PLEKHM1: variants seen among roughly 807,000 people sequenced by gnomAD.
PLEKHM1 encodes the protein pleckstrin homology domain-containing family M member 1.
Under a neutral mutation model 94.3 loss-of-function variants are expected in PLEKHM1, and 28 were observed. That is an observed-to-expected ratio of 0.30 (90% CI 0.22 to 0.41). PLEKHM1 has a LOEUF of 0.41. Ranked by LOEUF, PLEKHM1 falls within the 10% of genes least tolerant of loss-of-function variation. The probability of loss-of-function intolerance (pLI) is 1.00; values close to 1 mark genes in which losing one functional copy is unlikely to be tolerated. For synonymous variants in PLEKHM1, 424 were observed against 581.2 expected, an observed-to-expected ratio of 0.73 and a Z score of 3.89; for missense variants, 907 against 1,358.6, an observed-to-expected ratio of 0.67 and a Z score of 5.22.
At chr17:45,484,129 T>C (rs1400699200) in intron 1 of PLEKHM1, among the ~76,000 whole-genome samples, 1 of 152,230 alleles carries the variant, frequency 6.6e-6, no homozygotes, top group Non-Finnish European at 1.5e-5. Flanking sequence ...CCAACCTGAC[T>C]GGTCTAACAT....
intron 4 of PLEKHM1, among the ~76,000 whole-genome samples, chr17:45,474,061 T>A (rs1567797037): frequency 3.4e-5 from 5 of 146,680 alleles, no homozygotes; most frequent in African/African-American, 9.9e-5. Context: ...TTTATTTATT[T>A]ATTTTTTTTT....
chr17:45,470,071 C>CAA (rs1213768951), intron 4 of PLEKHM1, among the ~76,000 whole-genome samples: 26 of 140,578 alleles, frequency 1.8e-4, no homozygotes, highest in Non-Finnish European at 2.8e-4. Context: ...GACTCCATCT[C>CAA]AAAAAAAAAA....
rs557499144 is a variant in PLEKHM1, at chr17:45,454,175, C to T, written c.1677G>A (p.Pro559=). 71 of 1,613,758 alleles carry T rather than the reference C, an allele frequency of 4.4e-5. No homozygotes were observed. The Admixed American group carries it at 6.0e-4, about 14-fold the overall frequency. ...IWKELFCELS[P]LEFRLYLSNE... The stretch of plus-strand genomic sequence containing the variant: ...TGCTCAGGTAGAGGCGGAACTCCAG[C>T]GGGGAGAGCTCGCAGAAGAGCTCCT... Residue 559 remains proline, a synonymous_variant, in exon 7 of 12, where the codon CCG becomes CCA. Transcript: ENST00000430334.
In PLEKHM1 at chr17:45,444,351, G is replaced by A. The variant is rs35671597; in HGVS notation, c.2837+1119C>T. 4.8e-3 allele frequency among the ~76,000 whole-genome samples: 735 copies of A among 152,328 alleles called. 6 individuals are homozygous for A. Among genetic ancestry groups the A allele is most frequent in the African/African-American group, 0.017 (695 of 41,562 alleles). On this transcript the variant is annotated intron_variant, in intron 9 of 11. Coordinates refer to ENST00000430334, the MANE Select transcript of PLEKHM1 (RefSeq NM_014798.3). The surrounding 1 kb of genome is among the most constrained non-coding windows in gnomAD (Gnocchi z 5.0). ...GCCCTGGGAAGACTGCAGCCTGGGCGTGACCTGAGGACTAGGAAGCGTTTA... is the reference window on the plus strand; with the variant it reads ...GCCCTGGGAAGACTGCAGCCTGGGCATGACCTGAGGACTAGGAAGCGTTTA...
chr17:45,466,299 TAGAAGATAATATAGGC>T, intron 5 of PLEKHM1, among the ~76,000 whole-genome samples: 1 of 152,306 alleles, frequency 6.6e-6, no homozygotes, highest in Admixed American at 6.5e-5. Flanking sequence ...CTAAAGCTTC[TAGAAGATAATATAGGC>T]AAATACCTTC....
At chr17:45,443,381 C>T (rs1209110476) in intron 9 of PLEKHM1, among the ~76,000 whole-genome samples, 4 of 152,118 alleles carry the variant, frequency 2.6e-5, no homozygotes, top group East Asian at 1.9e-4. Context: ...AAGCTGGACC[C>T]GGAGAAGTGA....
chr17:45,463,461 C>A (rs560255668), intron 5 of PLEKHM1, among the ~76,000 whole-genome samples: 1 of 151,796 alleles, frequency 6.6e-6, no homozygotes, highest in Admixed American at 6.6e-5. Flanking sequence ...GGTGTGATCT[C>A]GGCTCACTGC....
At position 45,436,618 on chromosome 17, in the gene PLEKHM1, C is replaced by T. The variant is rs972112972; in HGVS notation, c.*1240G>A. ...AGAGACCAGCAAACCCACATTTCCC[C>T]GAAGCCTGGAGGGTCTGACCATCAC... On this transcript the variant is annotated 3_prime_UTR_variant, in exon 12 of 12. Coordinates refer to ENST00000430334, the MANE Select transcript of PLEKHM1 (RefSeq NM_014798.3). The T allele has an allele frequency of 3.3e-5, 15 of 453,868 alleles. No individual in the cohort carries two copies. Among genetic ancestry groups the T allele is most frequent in the Admixed American group, 1.4e-4 (6 of 42,560 alleles). 28.1% of individuals were successfully genotyped at this position (453,868 alleles called of 1,614,324 possible).
intron 6 of PLEKHM1, among the ~76,000 whole-genome samples, chr17:45,455,984 G>T (rs1391532348): frequency 6.6e-6 from 1 of 152,124 alleles, no homozygotes; most frequent in African/African-American, 2.4e-5. Context: ...TGCCACTCTG[G>T]TCTCCACTGT....
At position 45,437,857 on chromosome 17, in the gene PLEKHM1, A is replaced by G. The variant is rs764812155; in HGVS notation, c.*1T>C. The stretch of plus-strand genomic sequence containing the variant: ...TTCAGAGCGGGGTCAGCAGATGGGC[A>G]TCAGGCGAAAATGTTCTGTTCCTGG... On this transcript the variant is annotated 3_prime_UTR_variant, in exon 12 of 12. Coordinates refer to ENST00000430334, the MANE Select transcript of PLEKHM1 (RefSeq NM_014798.3). The surrounding 1 kb of genome is among the most constrained non-coding windows in gnomAD (Gnocchi z 4.0). The G allele has an allele frequency of 1.2e-6, 2 of 1,612,252 alleles. No individual in the cohort carries two copies. Among genetic ancestry groups the G allele is most frequent in the Admixed American group, 1.7e-5 (1 of 60,028 alleles).
intron 8 of PLEKHM1, among the ~76,000 whole-genome samples, chr17:45,447,049 A>G (rs1263046260): frequency 2.0e-5 from 3 of 152,206 alleles, no homozygotes; most frequent in African/African-American, 7.2e-5. Context: ...TTCAGATTAA[A>G]AGAGGTATTC....
chr17:45,438,934 G>T (rs922661038), intron 11 of PLEKHM1, among the ~76,000 whole-genome samples: 2 of 152,238 alleles, frequency 1.3e-5, no homozygotes, highest in Non-Finnish European at 2.9e-5. Flanking sequence ...GACAGAAAAA[G>T]AACTAATGTT....
At chr17:45,441,217 GC>G (rs2050436744) in intron 9 of PLEKHM1, among the ~76,000 whole-genome samples, 1 of 152,192 alleles carries the variant, frequency 6.6e-6, no homozygotes, top group Admixed American at 6.5e-5. Flanking sequence ...GCCCCAGGAT[GC>G]CCCAGACATC....
chr17:45,445,630 T>C lies in PLEKHM1; in HGVS notation c.2677A>G (p.Ile893Val), dbSNP rs759138326. The C allele has an allele frequency of 1.6e-5, 26 of 1,613,510 alleles. No homozygotes were observed. The highest frequency in any genetic ancestry group is 8.5e-6 in the Non-Finnish European group (10 of 1,179,858). The change falls in exon 9 of 12, where the codon ATC becomes GTC. Residue 893 changes from isoleucine to valine, a missense_variant. Ile to Val is a conservative substitution (Grantham distance 29). This residue lies in a region of PLEKHM1 where 254 missense variants were observed against 451.1 expected (regional missense o/e 0.56). Coordinates refer to ENST00000430334, the MANE Select transcript of PLEKHM1 (RefSeq NM_014798.3). The surrounding 1 kb of genome is among the most constrained non-coding windows in gnomAD (Gnocchi z 4.2). ...CRQALKFLTQ[I>V]RAQPLINLQM... is the part of the protein sequence containing the mutation. ...AGGTTGATGAGGGGCTGGGCCCGGA[T>C]CTGTGTCAGAAACTTCAGGGCCTGC... is the stretch of plus-strand genomic sequence containing the variant.
intron 6 of PLEKHM1, among the ~76,000 whole-genome samples, chr17:45,457,676 G>C (rs1412904692): frequency 6.6e-6 from 1 of 152,052 alleles, no homozygotes; most frequent in Non-Finnish European, 1.5e-5. Context: ...AGTGAGCAGA[G>C]ATCATGCCAC....
chr17:45,458,779 T>A (rs1212192232), intron 5 of PLEKHM1, among the ~76,000 whole-genome samples: 2 of 151,992 alleles, frequency 1.3e-5, no homozygotes, highest in East Asian at 3.9e-4. Flanking sequence ...CCTGAAGTTT[T>A]TTTTTTTTTT....
intron 4 of PLEKHM1, among the ~76,000 whole-genome samples, chr17:45,474,079 CAG>C (rs1262669494): frequency 3.4e-5 from 5 of 148,386 alleles, no homozygotes; most frequent in African/African-American, 1.3e-4. Flanking sequence ...TTTTTTGAGA[CAG>C]AGTCTTACTC....
chr17:45,454,598 G>A (rs188086181), intron 6 of PLEKHM1: 1 of 533,360 alleles, frequency 1.9e-6, no homozygotes, highest in East Asian at 3.3e-5. Context: ...TTCTGCGTGA[G>A]GCCAAACCCT....
chr17:45,476,160 TAATA>T (rs1007282893), intron 3 of PLEKHM1: 7 of 147,156 alleles, frequency 4.8e-5, no homozygotes, highest in African/African-American at 1.5e-4. Flanking sequence ...TATTTATATA[TAATA>T]AATATATAAA....
Sources: allele counts gnomAD v4.1 joint callset (sites outside exome capture counted in the v4.1 genomes callset), GRCh38; gene constraint gnomAD v4.1.1; regional missense constraint gnomAD v4.1.1; non-coding constraint Gnocchi (gnomAD v3.1); transcripts MANE v1.5; gene names NCBI Gene and HGNC (gene_info 2026-07-23, HGNC 2026-07-21).